Variants in CDKL3 observed in about 807,000 individuals in gnomAD.
The protein encoded by CDKL3 is cyclin-dependent kinase-like 3.
CDKL3 carries 65 observed loss-of-function variants against 69.3 expected under a neutral mutation model. The ratio of observed to expected loss-of-function variants is 0.94; its 90% confidence interval spans 0.77 to 1.15. The LOEUF is 1.15. CDKL3 is among the 50% of genes most tolerant of loss of function. The probability of loss-of-function intolerance (pLI) is 0.00; values close to 1 mark genes in which losing one functional copy is unlikely to be tolerated. For missense variants in CDKL3, 652 were observed against 689.2 expected (o/e 0.95, Z 0.61); for synonymous variants, 202 against 221.6 (o/e 0.91, Z 0.79).
chr5:134,331,255 C>CACATTTG, intron 4 of CDKL3, among the ~76,000 whole-genome samples: 1 of 152,224 alleles, frequency 6.6e-6, no homozygotes, highest in African/African-American at 2.4e-5. Context: ...GAATGGTCTG[C>CACATTTG]TGCTGCAGGC....
chr5:134,347,566 C>T (rs1752220497), intron 4 of CDKL3, among the ~76,000 whole-genome samples: 1 of 151,484 alleles, frequency 6.6e-6, no homozygotes, highest in Non-Finnish European at 1.5e-5. Context: ...TATTATTCAG[C>T]CATAAAAAGG....
intron 7 of CDKL3, among the ~76,000 whole-genome samples, chr5:134,309,686 C>T (rs1022603490): frequency 6.6e-6 from 1 of 152,156 alleles, no homozygotes; most frequent in African/African-American, 2.4e-5. Context: ...GAATTCTTCC[C>T]TAGTCCAGCC....
At chr5:134,316,665 C>A (rs565307862) in intron 6 of CDKL3, among the ~76,000 whole-genome samples, 1 of 151,754 alleles carries the variant, frequency 6.6e-6, no homozygotes, top group African/African-American at 2.4e-5. Context: ...ATAATTCAAA[C>A]GTCCAAAAAT....
intron 8 of CDKL3, among the ~76,000 whole-genome samples, chr5:134,287,727 C>T (rs188668757): frequency 2.6e-5 from 4 of 152,130 alleles, no homozygotes; most frequent in Non-Finnish European, 4.4e-5. Flanking sequence ...ACAGGCTGCA[C>T]CCAAAGCCAT....
chr5:134,338,500 G>A (rs1269592553), intron 4 of CDKL3, among the ~76,000 whole-genome samples: 1 of 151,734 alleles, frequency 6.6e-6, no homozygotes, highest in African/African-American at 2.4e-5. Context: ...GACCAGCCTG[G>A]CCAATATGGT....
At chr5:134,343,224 A>G (rs1750971188) in intron 4 of CDKL3, among the ~76,000 whole-genome samples, 1 of 152,122 alleles carries the variant, frequency 6.6e-6, no homozygotes, top group Non-Finnish European at 1.5e-5. Context: ...AAAGGAAAGA[A>G]AGTGCGTTGC....
chr5:134,304,313 A>G (rs1177617811), intron 11 of CDKL3, 92 bp downstream of exon 11: 1 of 1,022,808 alleles, frequency 9.8e-7, no homozygotes, highest in Non-Finnish European at 1.4e-6. Context: ...ACTATTTTCT[A>G]CCTAAATCAC....
chr5:134,297,941 TG>T (rs1319031429), downstream of CDKL3, among the ~76,000 whole-genome samples: 4 of 144,468 alleles, frequency 2.8e-5, no homozygotes, highest in African/African-American at 1.1e-4. Flanking sequence ...TGTGTGTGTG[TG>T]TGTGTTTTGA....
At chr5:134,367,288 G>T, upstream of CDKL3, 1 of 985,322 alleles carries the variant, frequency 1.0e-6, no homozygotes, top group Non-Finnish European at 1.2e-6. Context: ...CTTGGGAATG[G>T]GGGAGGGGAG....
chr5:134,311,058 G>A (rs776242352), intron 7 of CDKL3, among the ~76,000 whole-genome samples: 19 of 152,284 alleles, frequency 1.2e-4, no homozygotes, highest in Admixed American at 8.5e-4. Context: ...ATAGAAAATG[G>A]TGTTTTTTTA....
chr5:134,297,783 T>C (rs1403444446), downstream of CDKL3, among the ~76,000 whole-genome samples: 1 of 151,864 alleles, frequency 6.6e-6, no homozygotes, highest in African/African-American at 2.4e-5. Flanking sequence ...GGTTTCTCCA[T>C]GTTGGTCAGG....
chr5:134,295,046 A>G (rs1765291405), downstream of CDKL3, among the ~76,000 whole-genome samples: 1 of 118,514 alleles, frequency 8.4e-6, no homozygotes. Context: ...ATGGGGTCTC[A>G]GTCTGTTGCC....
At chr5:134,326,841 A>ATATGTGTG (rs1774449778) in intron 4 of CDKL3, among the ~76,000 whole-genome samples, 1 of 126,016 alleles carries the variant, frequency 7.9e-6, no homozygotes, top group African/African-American at 3.8e-5. Flanking sequence ...ATATATATAT[A>ATATGTGTG]TATATATATA....
In CDKL3 at chr5:134,354,424, A is replaced by G. The variant is rs940616966; in HGVS notation, c.361-3997T>C. ...CTTGTTTATACAACTTACTACCATA[A>G]ATCTTTGAGACTGGCTCTTGTTTTG... On this transcript the variant is annotated intron_variant, in intron 3 of 12. Coordinates refer to ENST00000265334, the MANE Select transcript of CDKL3 (RefSeq NM_001113575.2). 4.6e-5 allele frequency among the ~76,000 whole-genome samples: 7 copies of G among 152,160 alleles called. No homozygotes were observed. The South Asian group carries it at 8.3e-4, about 18-fold the overall frequency.
At chr5:134,329,696 C>T (rs529698072) in intron 4 of CDKL3, among the ~76,000 whole-genome samples, 421 of 152,080 alleles carry the variant, frequency 2.8e-3, no homozygotes, top group Non-Finnish European at 2.6e-3. Flanking sequence ...GTCTCCATCT[C>T]CTGACCTCGT....
upstream of CDKL3, among the ~76,000 whole-genome samples, chr5:134,370,729 T>G (rs1430789725): frequency 6.6e-6 from 1 of 152,202 alleles, no homozygotes; most frequent in African/African-American, 2.4e-5. Flanking sequence ...AAGGAACCAT[T>G]TCAGGAGATT....
At chr5:134,320,886 A>G (rs1772561002) in intron 5 of CDKL3, among the ~76,000 whole-genome samples, 2 of 151,796 alleles carry the variant, frequency 1.3e-5, no homozygotes, top group Non-Finnish European at 2.9e-5. Flanking sequence ...AAAAAAAAAA[A>G]TTAAATTTAA....
At chr5:134,308,875 C>A in intron 7 of CDKL3, 148 bp from the exon 8 acceptor site, 1 of 705,232 alleles carries the variant, frequency 1.4e-6, no homozygotes, top group Non-Finnish European at 2.1e-6. Context: ...GATGGCCCAA[C>A]ATTTACCTAA....
rs536414531 is a variant in CDKL3 at position 134,333,463 on chromosome 5, A to G, written c.540-11560T>C. Among the ~76,000 whole-genome samples, 9 of 152,260 alleles carry G rather than the reference A, an allele frequency of 5.9e-5. No individual in the cohort carries two copies. In the East Asian group the frequency reaches 1.7e-3, roughly 29 times the overall value. On this transcript the variant is annotated intron_variant, in intron 4 of 12. Transcript: ENST00000265334. ...TATTGGCTGTGGGTTTGTCATAAATAGCTCTTATTTTGAGATACATTCCAT... is the reference window on the plus strand; with the variant it reads ...TATTGGCTGTGGGTTTGTCATAAATGGCTCTTATTTTGAGATACATTCCAT...
Sources: gnomAD v4.1 joint callset for allele counts (sites outside exome capture counted in the v4.1 genomes callset) on GRCh38, gnomAD v4.1.1 for gene constraint, MANE v1.5 for transcripts, NCBI Gene and HGNC (gene_info 2026-07-23, HGNC 2026-07-21) for gene names.